Variants in NUP54 observed in about 807,000 individuals in gnomAD.
NUP54 encodes the protein nucleoporin 54, also known as nucleoporin p54.
NUP54 carries 27 observed loss-of-function variants against 66.4 expected under a neutral mutation model. The ratio of observed to expected loss-of-function variants is 0.41; its 90% CI spans 0.30 to 0.56. The LOEUF is 0.56. Among genes scored for constraint, NUP54 ranks in the 20% least tolerant of loss-of-function variants. The probability of loss-of-function intolerance (pLI) is 0.34; values close to 1 mark genes in which losing one functional copy is unlikely to be tolerated. For synonymous variants in NUP54, 206 were observed against 210.7 expected, an observed-to-expected ratio of 0.98 and a Z score of 0.19; for missense variants, 486 against 596.3, an observed-to-expected ratio of 0.82 and a Z score of 1.93.
intron 9 of NUP54, among the ~76,000 whole-genome samples, chr4:76,120,696 G>C (rs1730198172): frequency 6.6e-6 from 1 of 152,200 alleles, no homozygotes; most frequent in East Asian, 1.9e-4. Context: ...CAGAGTGCTG[G>C]GATTACAGGC....
chr4:76,148,127 C>G (rs1023628056), intron 1 of NUP54, 181 bp downstream of exon 1: 5 of 449,098 alleles, frequency 1.1e-5, no homozygotes, highest in Middle Eastern at 1.2e-3. Flanking sequence ...CCCGAGTACC[C>G]CCGTGGCCTC....
chr4:76,143,006 G>A (rs1044352415), intron 3 of NUP54, among the ~76,000 whole-genome samples: 8 of 152,086 alleles, frequency 5.3e-5, no homozygotes, highest in African/African-American at 1.9e-4. Flanking sequence ...CAGGTGGAAT[G>A]GCACTATTTG....
At chr4:76,143,989 C>T (rs66599877) in intron 3 of NUP54, 160 bp downstream of exon 3, 77,687 of 694,962 alleles carry the variant, frequency 0.11, 7,513 homozygotes, top group African/African-American at 0.35. Flanking sequence ...GTGTTCTCCC[C>T]AGTTGCTATC....
chr4:76,147,503 A>C (rs1731553256), intron 1 of NUP54: 1 of 1,289,696 alleles, frequency 7.8e-7, no homozygotes, highest in Non-Finnish European at 1.0e-6. Flanking sequence ...CTGTTACCAA[A>C]ATTGAACGGA....
intron 3 of NUP54, among the ~76,000 whole-genome samples, chr4:76,139,858 C>T (rs1731189625): frequency 1.3e-5 from 2 of 152,166 alleles, no homozygotes. Flanking sequence ...GTTCACATCA[C>T]TTCTTTTTTT....
Position 76,124,656 on chromosome 4 carries a change from G to T in NUP54, c.1157C>A (p.Thr386Asn). Reference protein sequence around the residue: ...KRKLMDLSHRTLQVLIKQEIQ... With the variant: ...KRKLMDLSHRNLQVLIKQEIQ... ...GAAAATCCAAATTACTACCTGTAAA[G>T]TTCTATGGGAAAGATCCATGAGTTT... The change falls in exon 9 of 12, where the codon ACT (threonine) becomes AAT (asparagine). Residue 386 changes from threonine to asparagine, a missense_variant. Physicochemically the swap from Thr to Asn is moderately conservative, Grantham distance 65. Transcript: ENST00000264883. 6.5e-7 allele frequency: 1 copy of T among 1,534,110 alleles called. No homozygotes were observed. The highest frequency in any genetic ancestry group is 1.1e-5 in the South Asian group (1 of 88,974).
intron 8 of NUP54, among the ~76,000 whole-genome samples, chr4:76,130,057 T>A (rs1195907724): frequency 8.0e-6 from 1 of 125,448 alleles, no homozygotes; most frequent in Non-Finnish European, 1.6e-5. Context: ...TTCTGTTCAC[T>A]GCAACCTCTG....
intron 1 of NUP54, among the ~76,000 whole-genome samples, chr4:76,147,012 T>A (rs1731530594): frequency 6.6e-6 from 1 of 152,186 alleles, no homozygotes; most frequent in African/African-American, 2.4e-5. Context: ...TTATTATCAT[T>A]ATAACACAAG....
At chr4:76,117,593 T>C in intron 11 of NUP54, 71 bp downstream of exon 11, 1 of 903,108 alleles carries the variant, frequency 1.1e-6, no homozygotes, top group Non-Finnish European at 1.8e-6. Context: ...CTTATTAGGA[T>C]AATAGCCATC....
chr4:76,132,333 TAC>T, intron 6 of NUP54, 188 bp downstream of exon 6: 2 of 383,498 alleles, frequency 5.2e-6, no homozygotes, highest in South Asian at 2.3e-4. Flanking sequence ...TTTTAACATA[TAC>T]ATATTAGCTA....
At chr4:76,135,386 T>C (rs1171389159) in intron 4 of NUP54, among the ~76,000 whole-genome samples, 1 of 152,258 alleles carries the variant, frequency 6.6e-6, no homozygotes, top group Non-Finnish European at 1.5e-5. Flanking sequence ...AACTTTATTG[T>C]TATATTCAAC....
intron 9 of NUP54, among the ~76,000 whole-genome samples, chr4:76,122,127 T>G (rs1730262044): frequency 6.6e-6 from 1 of 152,248 alleles, no homozygotes; most frequent in Non-Finnish European, 1.5e-5. Flanking sequence ...GTTGCTATAA[T>G]AAGTCATGTT....
At chr4:76,135,092 T>G (rs951148768) in intron 4 of NUP54, among the ~76,000 whole-genome samples, 5 of 152,140 alleles carry the variant, frequency 3.3e-5, no homozygotes, top group African/African-American at 1.2e-4. Context: ...TTTAAATATA[T>G]AAAGAAGTAA....
chr4:76,125,629 AGG>A (rs1209673811), intron 8 of NUP54, among the ~76,000 whole-genome samples: 2 of 17,124 alleles, frequency 1.2e-4, no homozygotes, highest in Admixed American at 7.7e-4. Context: ...GGAGAGGGAG[AGG>A]GGGAGAGGGG....
At chr4:76,118,863 A>G (rs1321387987) in intron 9 of NUP54, among the ~76,000 whole-genome samples, 6 of 151,868 alleles carry the variant, frequency 4.0e-5, no homozygotes, top group Non-Finnish European at 8.8e-5. Flanking sequence ...AATTAGCCGG[A>G]CGTTGATGGT....
At chr4:76,147,521 A>G (rs1731554590) in intron 1 of NUP54, 1 of 1,289,722 alleles carries the variant, frequency 7.8e-7, no homozygotes, top group Non-Finnish European at 1.0e-6. Flanking sequence ...GGAGTCGCCG[A>G]GGTAGTAGAA....
chr4:76,139,097 A>C (rs1731155395), intron 3 of NUP54, among the ~76,000 whole-genome samples: 1 of 152,218 alleles, frequency 6.6e-6, no homozygotes, highest in African/African-American at 2.4e-5. Flanking sequence ...GTGATCAAGC[A>C]GTCTTGGAGG....
In NUP54 at chr4:76,114,709, T is replaced by C. The variant is rs887772310; in HGVS notation, c.*657A>G. The C allele has an allele frequency of 6.6e-6, 1 of 152,198 alleles. No homozygotes were observed. The highest frequency in any genetic ancestry group is 6.5e-5 in the Admixed American group (1 of 15,274). The allele number at this position is 152,198 out of a possible 1,614,324, so 9.4% of individuals were successfully genotyped here. ...GAATTTATTTATAAGTTTTCATCTT[T>C]TTAGAAATAAAAAGGCTTAAAAAAC... is the stretch of plus-strand genomic sequence containing the variant. On this transcript the variant is annotated 3_prime_UTR_variant, in exon 12 of 12. Transcript: ENST00000264883.
intron 9 of NUP54, 153 bp downstream of exon 9, chr4:76,124,496 A>G (rs1730371222): frequency 2.4e-6 from 1 of 416,182 alleles, no homozygotes; most frequent in African/African-American, 2.1e-5. Context: ...TTGTTTTCCA[A>G]TTTCAAAGTT....
Sources: allele counts gnomAD v4.1 joint callset (sites outside exome capture counted in the v4.1 genomes callset), GRCh38; gene constraint gnomAD v4.1.1; transcripts MANE v1.5; gene names NCBI Gene and HGNC (gene_info 2026-07-23, HGNC 2026-07-21).